The following THADA variants were observed in gnomAD, a reference collection of about 807,000 sequenced individuals.
THADA encodes the protein tRNA (32-2'-O)-methyltransferase regulator THADA.
A neutral mutation model predicts 219.8 loss-of-function variants in THADA; 213 were observed. The ratio of observed to expected loss-of-function variants is 0.97; its 90% CI spans 0.87 to 1.09. The LOEUF (loss-of-function observed/expected upper bound fraction) is 1.09. Among genes scored for constraint, THADA ranks in the 50% least tolerant of loss-of-function variants. The pLI, the probability that THADA is intolerant of heterozygous loss-of-function variation, is 0.00. For missense variants in THADA, 2,956 were observed against 2,311.3 expected (o/e 1.28, Z -5.72); for synonymous variants, 1,018 against 828.9 (o/e 1.23, Z -3.92).
intron 21 of THADA, among the ~76,000 whole-genome samples, chr2:43,533,838 C>G (rs557508370): frequency 1.2e-4 from 19 of 152,228 alleles, no homozygotes; most frequent in Middle Eastern, 3.4e-3. Flanking sequence ...AGCAAACCAC[C>G]GTGGCACATG....
At position 43,508,676 on chromosome 2, in the gene THADA, C is replaced by A; in HGVS notation, c.3479G>T (p.Arg1160Leu). ...TATGTAGAAAGGAATTCCAGCACTG[C>A]GCCTTGTAGCACAGAGTTTAGATGA... ...DPSSKLCATR[R>L]SAGIPFYIQA... The change falls in exon 23 of 38, where the codon CGC (arginine) becomes CTC (leucine). Residue 1160 changes from arginine (R) to leucine (L), a missense_variant. Transcript: ENST00000405975. 2 of 1,613,474 alleles carry A rather than the reference C, an allele frequency of 1.2e-6. No homozygotes were observed.
intron 14 of THADA, 148 bp from the exon 15 acceptor site, chr2:43,566,969 TTAA>T (rs1357878394): frequency 1.2e-5 from 7 of 585,578 alleles, no homozygotes; most frequent in Non-Finnish European, 1.9e-5. Context: ...TTCACTTTGC[TTAA>T]TAATTCAGGT....
At position 43,551,798 on chromosome 2, in the gene THADA, T is replaced by C. The variant is rs767053473; in HGVS notation, c.2938A>G (p.Thr980Ala). 15 of 1,612,648 alleles carry C rather than the reference T, an allele frequency of 9.3e-6. No homozygotes were observed. In the African/African-American group the frequency reaches 1.1e-4, roughly 12 times the overall value. ...TTCTTCATTTGCTAACCTGAATCAGTGTCCATTGGGATGAGGCCTTCAGGG... is the reference window on the plus strand; with the variant it reads ...TTCTTCATTTGCTAACCTGAATCAGCGTCCATTGGGATGAGGCCTTCAGGG... ...SSPEGLIPMD[T>A]DSESASRLQM... The change falls in exon 19 of 38, where the codon ACT becomes GCT. Residue 980 changes from threonine to alanine, a missense_variant. By Grantham distance (58) the Thr-to-Ala change is moderately conservative. Transcript: ENST00000405975.
intron 16 of THADA, among the ~76,000 whole-genome samples, chr2:43,558,475 G>A (rs1697665687): frequency 1.3e-5 from 2 of 152,202 alleles, no homozygotes; most frequent in African/African-American, 4.8e-5. Context: ...ATTTCAATCA[G>A]TGGACTGGGA....
intron 28 of THADA, among the ~76,000 whole-genome samples, chr2:43,404,492 C>T (rs1392476167): frequency 6.6e-6 from 1 of 151,750 alleles, no homozygotes; most frequent in South Asian, 2.1e-4. Context: ...CATGCCTGGC[C>T]TCTGCTAAGG....
chr2:43,512,398 G>C (rs1574012711), intron 22 of THADA, among the ~76,000 whole-genome samples: 1 of 152,154 alleles, frequency 6.6e-6, no homozygotes, highest in South Asian at 2.1e-4. Context: ...AGCCATACAA[G>C]GGAATTTGGT....
chr2:43,583,612 A>C, intron 7 of THADA, among the ~76,000 whole-genome samples: 1 of 152,258 alleles, frequency 6.6e-6, no homozygotes, highest in Non-Finnish European at 1.5e-5. Context: ...CTTGTATATC[A>C]ATGTTTATAG....
At chr2:43,448,759 C>A (rs6724325) in intron 26 of THADA, among the ~76,000 whole-genome samples, 2 of 151,848 alleles carry the variant, frequency 1.3e-5, no homozygotes, top group Admixed American at 6.6e-5. Context: ...ATCAGGCAGA[C>A]CCCCTGACAC....
chr2:43,530,193 G>A (rs1360975967), intron 21 of THADA, among the ~76,000 whole-genome samples: 1 of 152,046 alleles, frequency 6.6e-6, no homozygotes, highest in Non-Finnish European at 1.5e-5. Context: ...AAGAGTGACA[G>A]GTCATGTTCT....
chr2:43,295,688 A>T (rs2104382910), intron 31 of THADA, among the ~76,000 whole-genome samples: 1 of 152,026 alleles, frequency 6.6e-6, no homozygotes, highest in Non-Finnish European at 1.5e-5. Context: ...TAGAAAACTA[A>T]CATAAACATA....
At chr2:43,430,769 GT>G (rs1374718553) in intron 26 of THADA, 2 of 337,156 alleles carry the variant, frequency 5.9e-6, no homozygotes, top group Non-Finnish European at 1.3e-5. Context: ...ATTGTGGGAT[GT>G]TTAGCAGCCT....
In THADA at chr2:43,504,816, G is replaced by A. The variant is rs139797141; in HGVS notation, c.3621+806C>T. On this transcript the variant is annotated intron_variant, in intron 24 of 37. Coordinates refer to ENST00000405975, the MANE Select transcript of THADA (RefSeq NM_022065.5). ...TGGGAATCGCTTGAACCCAGGAGGCGGAGGTTGCAGTGAGCCACGATCGCA... is the reference window on the plus strand; with the variant it reads ...TGGGAATCGCTTGAACCCAGGAGGCAGAGGTTGCAGTGAGCCACGATCGCA... Among the ~76,000 whole-genome samples, 786 of 152,290 alleles carry A rather than the reference G, an allele frequency of 5.2e-3. 4 individuals are homozygous for A. Among genetic ancestry groups the A allele is most frequent in the Middle Eastern group, 0.014 (4 of 294 alleles).
chr2:43,413,704 T>C (rs1387811910), intron 28 of THADA, among the ~76,000 whole-genome samples: 1 of 152,184 alleles, frequency 6.6e-6, no homozygotes, highest in Non-Finnish European at 1.5e-5. Flanking sequence ...TCTTTTCCAA[T>C]CCCAAACTTC....
chr2:43,348,428 A>G (rs1161906862), intron 29 of THADA, among the ~76,000 whole-genome samples: 3 of 152,224 alleles, frequency 2.0e-5, no homozygotes, highest in Non-Finnish European at 4.4e-5. Context: ...AAAAAAATAA[A>G]ATACTTACTG....
At chr2:43,268,566 G>C (rs1671785167) in intron 36 of THADA, among the ~76,000 whole-genome samples, 1 of 152,206 alleles carries the variant, frequency 6.6e-6, no homozygotes, top group Non-Finnish European at 1.5e-5. Context: ...AGCATCTTCT[G>C]GGAGATTTGA....
At chr2:43,323,413 C>T (rs1678976728) in intron 30 of THADA, among the ~76,000 whole-genome samples, 1 of 152,206 alleles carries the variant, frequency 6.6e-6, no homozygotes, top group African/African-American at 2.4e-5. Context: ...TACCCTGGGA[C>T]TCTCAATCGT....
chr2:43,275,747 C>T (rs773429232), intron 36 of THADA, among the ~76,000 whole-genome samples: 1 of 152,164 alleles, frequency 6.6e-6, no homozygotes, highest in African/African-American at 2.4e-5. Flanking sequence ...TCTAAGATAC[C>T]TTTCTTATCT....
chr2:43,480,263 T>G (rs562156575), intron 26 of THADA, among the ~76,000 whole-genome samples: 1 of 152,276 alleles, frequency 6.6e-6, no homozygotes, highest in South Asian at 2.1e-4. Context: ...AAGTTAGACA[T>G]GTATAAAGGG....
At chr2:43,435,169 C>T (rs1282137852) in intron 26 of THADA, among the ~76,000 whole-genome samples, 1 of 152,086 alleles carries the variant, frequency 6.6e-6, no homozygotes, top group East Asian at 1.9e-4. Context: ...AAACAAATAG[C>T]CAGGGCCAGG....
Sources: allele counts gnomAD v4.1 joint callset (sites outside exome capture counted in the v4.1 genomes callset), GRCh38; gene constraint gnomAD v4.1.1; transcripts MANE v1.5; gene names NCBI Gene and HGNC (gene_info 2026-07-23, HGNC 2026-07-21).